LRIF1: variants seen among roughly 807,000 people sequenced by gnomAD.
LRIF1 encodes ligand dependent nuclear receptor interacting factor 1.
In LRIF1, 32 loss-of-function variants were observed where a neutral mutation model predicts 52.7. That is an observed-to-expected ratio of 0.61 (90% CI 0.46 to 0.82). LRIF1 has a LOEUF of 0.82. Ranked by LOEUF, LRIF1 falls within the 40% of genes least tolerant of loss-of-function variation. The pLI is 0.00. For missense variants in LRIF1, 887 were observed against 892.0 expected, an observed-to-expected ratio of 0.99 and a Z score of 0.07; for synonymous variants, 323 against 317.4, an observed-to-expected ratio of 1.02 and a Z score of -0.19.
At chr1:110,923,787 A>C in the LRIF1 span, among the ~76,000 whole-genome samples, 205 of 152,310 alleles carry the variant, frequency 1.3e-3, 1 homozygote, top group Middle Eastern at 0.014. Context: ...TTAGAAGAGA[A>C]AAAAGAGTGA....
At chr1:110,961,994 T>C (rs1658972341) in intron 1 of LRIF1, among the ~76,000 whole-genome samples, 1 of 151,820 alleles carries the variant, frequency 6.6e-6, no homozygotes, top group Non-Finnish European at 1.5e-5. Context: ...GACTTATGAA[T>C]GTAATTTGTA....
the LRIF1 span, among the ~76,000 whole-genome samples, chr1:110,884,523 T>A: frequency 1.3e-5 from 2 of 152,256 alleles, no homozygotes; most frequent in East Asian, 3.9e-4. Flanking sequence ...TGCTTTTCTG[T>A]CTACTGATTC....
At chr1:110,894,516 G>A in the LRIF1 span, 10 of 800,060 alleles carry the variant, frequency 1.2e-5, no homozygotes, top group South Asian at 1.5e-4. Flanking sequence ...AAATGAAGTG[G>A]AAGGATAGAG....
At chr1:110,962,973 T>TC (rs1557845187) in intron 1 of LRIF1, among the ~76,000 whole-genome samples, 12 of 151,824 alleles carry the variant, frequency 7.9e-5, no homozygotes, top group Non-Finnish European at 1.6e-4. Flanking sequence ...TTTACAAGAA[T>TC]ATCTTCCTTA....
the LRIF1 span, chr1:110,937,803 A>C: frequency 4.6e-5 from 7 of 152,104 alleles, no homozygotes; most frequent in African/African-American, 1.7e-4. Flanking sequence ...AAGTTAAACA[A>C]AATTTACAAA....
chr1:110,928,895 A>G, the LRIF1 span, among the ~76,000 whole-genome samples: 1 of 152,224 alleles, frequency 6.6e-6, no homozygotes, highest in Admixed American at 6.5e-5. Flanking sequence ...AGAATTTGCC[A>G]TCTACTTTGA....
the LRIF1 span, among the ~76,000 whole-genome samples, chr1:110,907,222 C>G: frequency 2.0e-5 from 3 of 152,144 alleles, no homozygotes; most frequent in African/African-American, 2.4e-5. Flanking sequence ...CCAGCCAAAA[C>G]CTGGTGATAC....
At chr1:110,929,030 G>GT in the LRIF1 span, among the ~76,000 whole-genome samples, 909 of 152,150 alleles carry the variant, frequency 6.0e-3, 4 homozygotes, top group Non-Finnish European at 0.01. Flanking sequence ...AATTGCAAAC[G>GT]TAATACAGAG....
At chr1:110,901,159 T>G in the LRIF1 span, among the ~76,000 whole-genome samples, 152 of 134,410 alleles carry the variant, frequency 1.1e-3, no homozygotes, top group East Asian at 0.017. Flanking sequence ...TGTTTTTTTT[T>G]GTTTGTTTTT....
At chr1:110,876,747 G>C in the LRIF1 span, among the ~76,000 whole-genome samples, 1 of 152,000 alleles carries the variant, frequency 6.6e-6, no homozygotes, top group African/African-American at 2.4e-5. Flanking sequence ...GAATCCCTTA[G>C]ATCATTTATT....
At chr1:110,891,937 T>C in the LRIF1 span, among the ~76,000 whole-genome samples, 3 of 152,358 alleles carry the variant, frequency 2.0e-5, no homozygotes, top group East Asian at 1.9e-4. Flanking sequence ...AAGATTATTA[T>C]AAGTTTGGCT....
At chr1:110,902,604 G>A in the LRIF1 span, among the ~76,000 whole-genome samples, 11 of 151,498 alleles carry the variant, frequency 7.3e-5, no homozygotes, top group East Asian at 1.9e-4. Context: ...ATCTCGGAAC[G>A]TCTGAAATAC....
In LRIF1 at chr1:110,951,647, T is replaced by A; in HGVS notation, c.1237A>T (p.Asn413Tyr). 6.2e-7 allele frequency: 1 copy of A among 1,614,076 alleles called. No individual in the cohort carries two copies. The highest frequency in any genetic ancestry group is 1.3e-5 in the African/African-American group (1 of 75,028). Residue 413 changes from asparagine to tyrosine, a missense_variant, in exon 2 of 4, where the codon AAT becomes TAT. Coordinates refer to ENST00000369763, the MANE Select transcript of LRIF1 (RefSeq NM_018372.4). ...GATTTACTTTTAGCCAAAACAATAT[T>A]TACAACCTCTCTGGATATTTCTGTG... is the stretch of plus-strand genomic sequence containing the variant. Reference protein sequence around the residue: ...PVTEISREVVNIVLAKSKSSQ... With the variant: ...PVTEISREVVYIVLAKSKSSQ...
the LRIF1 span, among the ~76,000 whole-genome samples, chr1:110,881,407 C>T: frequency 6.6e-6 from 1 of 152,202 alleles, no homozygotes; most frequent in Non-Finnish European, 1.5e-5. Context: ...TTTTTACATT[C>T]ACCTGTGCTG....
At chr1:110,926,459 A>G in the LRIF1 span, among the ~76,000 whole-genome samples, 1 of 151,986 alleles carries the variant, frequency 6.6e-6, no homozygotes, top group African/African-American at 2.4e-5. Flanking sequence ...TATTTATACT[A>G]AGCACTTTTA....
At chr1:110,896,093 A>C in the LRIF1 span, among the ~76,000 whole-genome samples, 3 of 152,192 alleles carry the variant, frequency 2.0e-5, no homozygotes, top group Middle Eastern at 6.8e-3. Flanking sequence ...ATAATAGTAC[A>C]CCTCTTTGTT....
chr1:110,891,552 T>C, the LRIF1 span: 1 of 666,394 alleles, frequency 1.5e-6, no homozygotes, highest in East Asian at 2.6e-5. Context: ...AAGAGGCTGG[T>C]GTGGGGTAAA....
intron 1 of LRIF1, among the ~76,000 whole-genome samples, chr1:110,960,629 A>C (rs1658912187): frequency 6.6e-6 from 1 of 152,150 alleles, no homozygotes; most frequent in South Asian, 2.1e-4. Context: ...TGAGTTTCAT[A>C]TTCAAATATC....
At chr1:110,960,847 G>A (rs952454774) in intron 1 of LRIF1, among the ~76,000 whole-genome samples, 2 of 152,134 alleles carry the variant, frequency 1.3e-5, no homozygotes, top group Admixed American at 1.3e-4. Context: ...AACTGAAATA[G>A]GATCCTTATA....
Sources: gnomAD v4.1 joint callset for allele counts (sites outside exome capture counted in the v4.1 genomes callset) on GRCh38, gnomAD v4.1.1 for gene constraint, MANE v1.5 for transcripts, NCBI Gene and HGNC (gene_info 2026-07-23, HGNC 2026-07-21) for gene names.